Variants in MSH4 observed in about 807,000 individuals in gnomAD.
The protein encoded by MSH4 is mutS protein homolog 4.
A neutral mutation model predicts 113.7 loss-of-function variants in MSH4; 106 were observed. The observed-to-expected ratio is 0.93, with a 90% confidence interval of 0.80 to 1.10. The LOEUF (loss-of-function observed/expected upper bound fraction) is 1.10. Ranked by LOEUF, MSH4 falls within the 50% of genes least tolerant of loss-of-function variation. The pLI is 0.00. For missense variants in MSH4, 1,061 were observed against 1,093.7 expected (o/e 0.97, Z 0.42); for synonymous variants, 368 against 380.2 (o/e 0.97, Z 0.37).
In MSH4 at chr1:75,803,833, A is replaced by T; in HGVS notation, c.347A>T (p.Gln116Leu). 6.2e-7 allele frequency: 1 copy of T among 1,603,416 alleles called. No homozygotes were observed. Among genetic ancestry groups the T allele is most frequent in the South Asian group, 1.1e-5 (1 of 89,016 alleles). ...TCTGCACGAGATACTAATTATCCTC[A>T]AACACTTAAAACTCCATTGTCTACT... Reference protein sequence around the residue: ...SSSARDTNYPQTLKTPLSTGN... With the variant: ...SSSARDTNYPLTLKTPLSTGN... The change falls in exon 2 of 20, where the codon CAA (glutamine) becomes CTA (leucine). Residue 116 changes from glutamine to leucine, a missense_variant. Gln to Leu is a moderately radical substitution (Grantham distance 113). Transcript: ENST00000263187.
intron 19 of MSH4, among the ~76,000 whole-genome samples, chr1:75,901,616 C>T (rs781262881): frequency 2.6e-5 from 4 of 152,198 alleles, no homozygotes; most frequent in Middle Eastern, 3.4e-3. Context: ...CTGCAATAAA[C>T]GTGGGAATAT....
chr1:75,864,976 A>G (rs1651531308), intron 8 of MSH4, among the ~76,000 whole-genome samples: 1 of 152,146 alleles, frequency 6.6e-6, no homozygotes. Flanking sequence ...CCAACACTGA[A>G]TAGGAGTTGA....
At chr1:75,799,714 G>T (rs1649894533) in intron 1 of MSH4, among the ~76,000 whole-genome samples, 1 of 152,192 alleles carries the variant, frequency 6.6e-6, no homozygotes. Flanking sequence ...AGATATAGTT[G>T]TGAGAATTAG....
chr1:75,906,985 C>T (rs1439780067), intron 19 of MSH4, among the ~76,000 whole-genome samples: 1 of 152,002 alleles, frequency 6.6e-6, no homozygotes, highest in African/African-American at 2.4e-5. Context: ...AGGCGCCCAC[C>T]ACCACGCCCA....
At position 75,800,874 on chromosome 1, in the gene MSH4, T is replaced by C. The variant is rs114399372; in HGVS notation, c.245-2857T>C. Among the ~76,000 whole-genome samples, 412 of 149,884 alleles carry C rather than the reference T, an allele frequency of 2.7e-3. 1 individual carries two copies. The highest frequency in any genetic ancestry group is 3.8e-3 in the Non-Finnish European group (261 of 68,010). On this transcript the variant is annotated intron_variant, in intron 1 of 19. Transcript: ENST00000263187. ...TGATAATAGAAACGTTTCATACTTATGCTGTCCGATGTGGTAACTAGTAGC... is the reference window on the plus strand; with the variant it reads ...TGATAATAGAAACGTTTCATACTTACGCTGTCCGATGTGGTAACTAGTAGC...
At chr1:75,907,860 G>A (rs1438704588) in intron 19 of MSH4, among the ~76,000 whole-genome samples, 1 of 150,500 alleles carries the variant, frequency 6.6e-6, no homozygotes, top group African/African-American at 2.4e-5. Context: ...GGAATTACAG[G>A]CATGTGCCAC....
At position 75,880,122 on chromosome 1, in the gene MSH4, T is replaced by A; in HGVS notation, c.1750T>A (p.Ser584Thr). ...LIKMNERCQE[S>T]LREIYHMTYM... is the part of the protein sequence containing the mutation. ...TAAAATGAATGAAAGATGCCAAGAATCTTTGAGAGAAATCTATCACATGAC... is the reference window on the plus strand; with the variant it reads ...TAAAATGAATGAAAGATGCCAAGAAACTTTGAGAGAAATCTATCACATGAC... The change falls in exon 13 of 20, where the codon TCT (serine) becomes ACT (threonine). Residue 584 changes from serine (S) to threonine (T), a missense_variant. Physicochemically the swap from Ser to Thr is moderately conservative, Grantham distance 58. Coordinates refer to ENST00000263187, the MANE Select transcript of MSH4 (RefSeq NM_002440.4). The A allele has an allele frequency of 6.3e-7, 1 of 1,588,542 alleles. No homozygotes were observed. Among genetic ancestry groups the A allele is most frequent in the Non-Finnish European group, 8.6e-7 (1 of 1,162,010 alleles).
chr1:75,907,692 A>C (rs1168403799), intron 19 of MSH4, among the ~76,000 whole-genome samples: 1,853 of 14,038 alleles, frequency 0.13, 35 homozygotes, highest in Non-Finnish European at 0.24. Context: ...CTCTATACAT[A>C]TATATATATA....
Position 75,816,359 on chromosome 1 carries a change from T to A in MSH4, c.816-14T>A, listed in dbSNP as rs370426879. ...TTAAAGACTTATAGTGATGTATTAT[T>A]GGTCATCTTTTAGGTATTACTGCCT... On this transcript the variant is annotated splice_polypyrimidine_tract_variant and intron_variant, in intron 5 of 19. Transcript: ENST00000263187. The A allele has an allele frequency of 6.4e-7, 1 of 1,565,292 alleles. No individual in the cohort carries two copies. Among genetic ancestry groups the A allele is most frequent in the African/African-American group, 1.4e-5 (1 of 73,802 alleles).
intron 9 of MSH4, among the ~76,000 whole-genome samples, chr1:75,873,436 G>A (rs1279167144): frequency 5.3e-5 from 8 of 151,622 alleles, no homozygotes; most frequent in Admixed American, 3.3e-4. Flanking sequence ...AGTTTTGGGG[G>A]TACATGTGCA....
intron 19 of MSH4, among the ~76,000 whole-genome samples, chr1:75,906,829 C>CTTT: frequency 7.2e-6 from 1 of 139,740 alleles, no homozygotes; most frequent in East Asian, 2.1e-4. Flanking sequence ...ATAAACGTGT[C>CTTT]TTTTTTTTTT....
intron 4 of MSH4, among the ~76,000 whole-genome samples, chr1:75,811,736 C>A (rs1144336): frequency 0.26 from 39,751 of 152,158 alleles, 5,433 homozygotes; most frequent in African/African-American, 0.32. Context: ...CTTAGGAATG[C>A]AAATTATTTT....
intron 3 of MSH4, among the ~76,000 whole-genome samples, chr1:75,810,417 T>TG (rs1357792445): frequency 6.8e-6 from 1 of 146,712 alleles, no homozygotes. Flanking sequence ...TTTGTATTTT[T>TG]TTTTTTTTTT....
rs1164271882 is a variant in MSH4, at chr1:75,878,990, A to C, written c.1541-2A>C. 7.5e-6 allele frequency: 12 copies of C among 1,603,366 alleles called. No individual in the cohort carries two copies. Among genetic ancestry groups the C allele is most frequent in the Non-Finnish European group, 9.4e-6 (11 of 1,173,916 alleles). ...TTTGTTTTTCTTGTTTCTGGTCACC[A>C]GGAATGATATCACAACTTGGAGAAA... On this transcript the variant is annotated splice_acceptor_variant, in intron 11 of 19. Coordinates refer to ENST00000263187, the MANE Select transcript of MSH4 (RefSeq NM_002440.4). LOFTEE classifies it high-confidence loss of function.
Position 75,890,810 on chromosome 1 carries a change from C to A in MSH4, c.2341C>A (p.Leu781Ile). ...IGICYAVCEY[L>I]LSLKAFTLFA... is the part of the protein sequence containing the mutation. ...CATTTGTTATGCTGTTTGTGAATAT[C>A]TACTGAGCTTAAAGGTATTCTTTTA... Residue 781 changes from leucine to isoleucine, a missense_variant, in exon 17 of 20, where the codon CTA becomes ATA. Leu to Ile is a conservative substitution (Grantham distance 5). Transcript: ENST00000263187. The A allele has an allele frequency of 6.3e-7, 1 of 1,585,630 alleles. No individual in the cohort carries two copies. The highest frequency in any genetic ancestry group is 1.1e-5 in the South Asian group (1 of 89,124).
At chr1:75,802,577 A>G (rs1649962488) in intron 1 of MSH4, among the ~76,000 whole-genome samples, 1 of 152,222 alleles carries the variant, frequency 6.6e-6, no homozygotes, top group African/African-American at 2.4e-5. Flanking sequence ...AAAATAGGTA[A>G]TAGCTTACAT....
chr1:75,799,109 C>A (rs538855289), intron 1 of MSH4, among the ~76,000 whole-genome samples: 1 of 152,178 alleles, frequency 6.6e-6, no homozygotes, highest in Non-Finnish European at 1.5e-5. Context: ...TCCTTTAAAG[C>A]AACATGAATG....
At chr1:75,876,627 A>G (rs1651822426) in intron 9 of MSH4, among the ~76,000 whole-genome samples, 2 of 152,100 alleles carry the variant, frequency 1.3e-5, no homozygotes, top group South Asian at 4.1e-4. Flanking sequence ...CTCTAAATGT[A>G]CAACAGTAGT....
intron 2 of MSH4, 136 bp downstream of exon 2, chr1:75,804,049 CTATCCATAATT>C: frequency 1.9e-6 from 1 of 529,852 alleles, no homozygotes; most frequent in Non-Finnish European, 2.9e-6. Flanking sequence ...TAGTTTACCT[CTATCCATAATT>C]TGAGTCTAGA....
Sources: allele counts gnomAD v4.1 joint callset (sites outside exome capture counted in the v4.1 genomes callset), GRCh38; gene constraint gnomAD v4.1.1; transcripts MANE v1.5; gene names NCBI Gene and HGNC (gene_info 2026-07-23, HGNC 2026-07-21).